Variants in OAS3 observed in about 807,000 individuals in gnomAD.
The protein encoded by OAS3 is 2'-5'-oligoadenylate synthase 3.
In OAS3, 107 loss-of-function variants were observed where a neutral mutation model predicts 113.0. The observed-to-expected ratio is 0.95, with a 90% CI of 0.81 to 1.11. The LOEUF (loss-of-function observed/expected upper bound fraction) is 1.11. Ranked by LOEUF, OAS3 falls within the 50% of genes most tolerant of loss-of-function variation. The pLI, the probability that OAS3 is intolerant of heterozygous loss-of-function variation, is 0.00. For synonymous variants in OAS3, 552 were observed against 573.6 expected (o/e 0.96, Z 0.54); for missense variants, 1,258 against 1,389.1 (o/e 0.91, Z 1.50).
chr12:112,948,326 A>G (rs1046636366), intron 5 of OAS3, among the ~76,000 whole-genome samples: 1 of 151,984 alleles, frequency 6.6e-6, no homozygotes, highest in African/African-American at 2.4e-5. Context: ...AATATGGTGA[A>G]ACCTTGTCTC....
rs1207550377 is a variant in OAS3 at position 112,944,508 on chromosome 12, C to G, written c.493C>G (p.Gln165Glu). 6.2e-7 allele frequency: 1 copy of G among 1,613,978 alleles called. No homozygotes were observed. The highest frequency in any genetic ancestry group is 1.1e-5 in the South Asian group (1 of 91,096). Reference sequence around the variant, plus strand: ...CGGCTCCGGCGTCAAACCCAAGCCACAAGTCTACTCTACCCTCCTCAACAG... The same window carrying G: ...CGGCTCCGGCGTCAAACCCAAGCCAGAAGTCTACTCTACCCTCCTCAACAG... ...QAGSGVKPKP[Q>E]VYSTLLNSGC... Residue 165 changes from glutamine to glutamate, a missense_variant, in exon 3 of 16, where the codon CAA becomes GAA. Coordinates refer to ENST00000228928, the MANE Select transcript of OAS3 (RefSeq NM_006187.4).
rs2043881509 is a variant in OAS3 at position 112,961,222 on chromosome 12, G to C, written c.1809G>C (p.Leu603=). The C allele has an allele frequency of 6.2e-7, 1 of 1,613,870 alleles. No homozygotes were observed. The highest frequency in any genetic ancestry group is 1.3e-5 in the African/African-American group (1 of 74,930). Residue 603 remains leucine, a synonymous_variant, in exon 8 of 16, where the codon CTG becomes CTC. Transcript: ENST00000228928. The part of the protein sequence containing the change: ...IRPVKLKNLI[L]LVKHWYRQVA... ...CTGTCAAGCTGAAGAACCTGATTCT[G>C]CTGGTGAAGCACTGGTACCGCCAGG...
At chr12:112,964,983 GT>G (rs1335620388) in intron 11 of OAS3, among the ~76,000 whole-genome samples, 3 of 152,202 alleles carry the variant, frequency 2.0e-5, no homozygotes. Flanking sequence ...CCCCCGCCTA[GT>G]CCTCATGGGC....
In OAS3 at chr12:112,965,821, C is replaced by T. The variant is rs1471041890; in HGVS notation, c.2481C>T (p.Ser827=). ...TCGTGGTGTTCCTCAGCTGCTTCAG[C>T]CAGTTCACTGAGCAGGGCAACAAGC... ...ADLVVFLSCF[S]QFTEQGNKRA... The change falls in exon 12 of 16, where the codon AGC becomes AGT. Residue 827 remains serine, a synonymous_variant. Transcript: ENST00000228928. 9 of 1,613,738 alleles carry T rather than the reference C, an allele frequency of 5.6e-6. No individual in the cohort carries two copies. The highest frequency in any genetic ancestry group is 7.6e-6 in the Non-Finnish European group (9 of 1,179,860).
chr12:112,946,655 TG>T, intron 3 of OAS3, 87 bp from the exon 4 acceptor site: 1 of 1,203,188 alleles, frequency 8.3e-7, no homozygotes, highest in Non-Finnish European at 1.2e-6. Context: ...AGGCTCGGCC[TG>T]GAAGGTCCCC....
At chr12:112,961,572 C>A (rs1355090418) in intron 8 of OAS3, among the ~76,000 whole-genome samples, 1 of 152,182 alleles carries the variant, frequency 6.6e-6, no homozygotes, top group South Asian at 2.1e-4. Flanking sequence ...TTACCCCCAC[C>A]ACATGTCTAT....
intron 8 of OAS3, among the ~76,000 whole-genome samples, chr12:112,962,271 C>T (rs1351847452): frequency 6.6e-6 from 1 of 152,346 alleles, no homozygotes. Flanking sequence ...GGATACATTG[C>T]AGCCCCTATT....
intron 7 of OAS3, among the ~76,000 whole-genome samples, chr12:112,952,730 G>A (rs1437666107): frequency 1.3e-5 from 2 of 152,132 alleles, no homozygotes; most frequent in Non-Finnish European, 2.9e-5. Flanking sequence ...AACCATTTCT[G>A]TTTCACCTCC....
intron 7 of OAS3, among the ~76,000 whole-genome samples, chr12:112,955,473 C>A (rs1302516942): frequency 6.6e-6 from 1 of 151,848 alleles, no homozygotes; most frequent in Non-Finnish European, 1.5e-5. Context: ...ATAAATAACT[C>A]ATTATTTTGA....
chr12:112,950,407 C>T (rs562179246), intron 6 of OAS3, among the ~76,000 whole-genome samples: 2 of 152,320 alleles, frequency 1.3e-5, no homozygotes, highest in East Asian at 3.9e-4. Flanking sequence ...AATGTTTGGT[C>T]GCTGCCCCTA....
rs753052806 is a variant in OAS3 at position 112,948,859 on chromosome 12, A to G, written c.1030-2A>G. The G allele has an allele frequency of 1.3e-6, 2 of 1,559,390 alleles. No individual in the cohort carries two copies. The highest frequency in any genetic ancestry group is 2.4e-5 in the South Asian group (2 of 84,968). On this transcript the variant is annotated splice_acceptor_variant, in intron 5 of 15. Transcript: ENST00000228928. LOFTEE classifies it high-confidence loss of function. ...GAGGCAGCTCCTTCAATGACCTTCC[A>G]GGGCCTTCCACGTGCTGGATGCTCA... is the stretch of plus-strand genomic sequence containing the variant.
chr12:112,966,055 GA>G, intron 12 of OAS3, 26 bp downstream of exon 12: 3 of 1,611,558 alleles, frequency 1.9e-6, no homozygotes, highest in Non-Finnish European at 2.5e-6. Context: ...GTAGACCTGA[GA>G]GGGGGAAATA....
At chr12:112,941,106 C>A (rs1340185644) in intron 1 of OAS3, among the ~76,000 whole-genome samples, 1 of 152,096 alleles carries the variant, frequency 6.6e-6, no homozygotes, top group South Asian at 2.1e-4. Flanking sequence ...GAAGATCACT[C>A]GAGCCCAGGA....
intron 1 of OAS3, 52 bp downstream of exon 1, chr12:112,938,759 AC>A: frequency 7.8e-7 from 1 of 1,286,384 alleles, no homozygotes; most frequent in Non-Finnish European, 1.0e-6. Flanking sequence ...TCCTGGGAGG[AC>A]GCTTAAGCCT....
At chr12:112,966,417 C>T (rs1024168465) in intron 12 of OAS3, among the ~76,000 whole-genome samples, 2 of 152,224 alleles carry the variant, frequency 1.3e-5, no homozygotes, top group Non-Finnish European at 2.9e-5. Context: ...ACCTCCTCCA[C>T]CTGCTGCAGA....
chr12:112,948,418 G>T (rs1351278998), intron 5 of OAS3, among the ~76,000 whole-genome samples: 1 of 147,376 alleles, frequency 6.8e-6, no homozygotes, highest in East Asian at 2.0e-4. Flanking sequence ...CAGGAGAATT[G>T]CTTGAACTAG....
chr12:112,947,124 G>T, intron 4 of OAS3, 143 bp downstream of exon 4: 1 of 658,634 alleles, frequency 1.5e-6, no homozygotes, highest in Non-Finnish European at 2.6e-6. Flanking sequence ...TTAATTCACT[G>T]GACTCAGCCC....
chr12:112,949,290 G>A, intron 6 of OAS3, 85 bp downstream of exon 6: 1 of 1,235,090 alleles, frequency 8.1e-7, no homozygotes, highest in Non-Finnish European at 1.1e-6. Context: ...ATGGAGCTGA[G>A]GTTGGGCTGG....
At position 112,968,186 on chromosome 12, in the gene OAS3, C is replaced by T. The variant is rs781224557; in HGVS notation, c.3104+12C>T. 6.2e-7 allele frequency: 1 copy of T among 1,602,404 alleles called. No individual in the cohort carries two copies. Among genetic ancestry groups the T allele is most frequent in the Non-Finnish European group, 8.5e-7 (1 of 1,172,398 alleles). On this transcript the variant is annotated intron_variant, in intron 14 of 15. Transcript: ENST00000228928. ...CTTCAGAAGCCCAGGTTCAGGTCTA[C>T]CCCCAATGTTCCAGAATTTCAAACC...
Sources: gnomAD v4.1 joint callset for allele counts (sites outside exome capture counted in the v4.1 genomes callset) on GRCh38, gnomAD v4.1.1 for gene constraint, MANE v1.5 for transcripts, NCBI Gene and HGNC (gene_info 2026-07-23, HGNC 2026-07-21) for gene names.